Variants in MICU1 observed in about 807,000 individuals in gnomAD.
MICU1 encodes the protein calcium uptake protein 1, mitochondrial.
MICU1 carries 45 observed loss-of-function variants against 56.8 expected under a neutral mutation model. That is an observed-to-expected ratio of 0.79 (90% CI 0.62 to 1.02). MICU1 has a LOEUF of 1.02. Among genes scored for constraint, MICU1 ranks in the 50% least tolerant of loss-of-function variants. The pLI is 0.00. For missense variants in MICU1, 504 were observed against 587.1 expected, an observed-to-expected ratio of 0.86 and a Z score of 1.46; for synonymous variants, 186 against 195.1, an observed-to-expected ratio of 0.95 and a Z score of 0.39.
intron 1 of MICU1, among the ~76,000 whole-genome samples, chr10:72,571,819 T>G (rs934479811): frequency 6.6e-6 from 1 of 151,980 alleles, no homozygotes; most frequent in African/African-American, 2.4e-5. Flanking sequence ...TTAAAGAGGC[T>G]GAGGTGGGAG....
At chr10:72,434,167 C>G (rs1864634634) in intron 8 of MICU1, among the ~76,000 whole-genome samples, 2 of 151,930 alleles carry the variant, frequency 1.3e-5, no homozygotes, top group South Asian at 4.1e-4. Flanking sequence ...GGCCATCTTC[C>G]TTACTTAGAA....
Position 72,563,033 on chromosome 10 carries a change from G to T in MICU1, c.192C>A (p.Asp64Glu), listed in dbSNP as rs774025038. ...RAHAESPPCVDNLKSDIGDKG... is the reference protein window; with the variant it reads ...RAHAESPPCVENLKSDIGDKG... ...TATCACCGATGTCACTTTTTAGGTT[G>T]TCTACACATGGTGGAGATTCTGCAT... Residue 64 changes from aspartate (D) to glutamate (E), a missense_variant, in exon 3 of 12, where the codon GAC becomes GAA. Coordinates refer to ENST00000361114, the MANE Select transcript of MICU1 (RefSeq NM_001195518.2). 2.8e-5 allele frequency: 45 copies of T among 1,591,298 alleles called. No homozygotes were observed. Among genetic ancestry groups the T allele is most frequent in the Non-Finnish European group, 3.6e-5 (42 of 1,170,940 alleles).
intron 1 of MICU1, among the ~76,000 whole-genome samples, chr10:72,583,469 T>A (rs182735181): frequency 6.6e-6 from 1 of 151,948 alleles, no homozygotes; most frequent in African/African-American, 2.4e-5. Context: ...TTAGTAGAGA[T>A]GGGGTTTCAC....
chr10:72,545,142 A>G (rs189169943), intron 4 of MICU1, among the ~76,000 whole-genome samples: 3 of 152,338 alleles, frequency 2.0e-5, no homozygotes, highest in South Asian at 4.1e-4. Flanking sequence ...TAGGAATAAT[A>G]TATCTTTTAC....
At chr10:72,380,242 T>A (rs11593719) in intron 10 of MICU1, among the ~76,000 whole-genome samples, 72,125 of 152,022 alleles carry the variant, frequency 0.47, 19,712 homozygotes, top group Non-Finnish European at 0.64. Context: ...ACAGGGAGCA[T>A]GAAGGCACCC....
chr10:72,448,163 A>G (rs10823925), intron 8 of MICU1, among the ~76,000 whole-genome samples: 571 of 48,878 alleles, frequency 0.012, 4 homozygotes, highest in African/African-American at 0.034. Context: ...GTGTGTGTGT[A>G]TATGTGTGTG....
chr10:72,582,564 C>G (rs550612750), intron 1 of MICU1, among the ~76,000 whole-genome samples: 1 of 152,030 alleles, frequency 6.6e-6, no homozygotes, highest in South Asian at 2.1e-4. Flanking sequence ...TCAAGACCAA[C>G]CTGGACAATA....
At chr10:72,497,660 A>G (rs888264927) in intron 6 of MICU1, among the ~76,000 whole-genome samples, 2 of 152,184 alleles carry the variant, frequency 1.3e-5, no homozygotes, top group African/African-American at 4.8e-5. Flanking sequence ...GGAAGATAGG[A>G]TAAGTGAGAA....
rs146996836 is a variant in MICU1 at position 72,510,320 on chromosome 10, T to C, written c.538-2051A>G. 7.3e-4 allele frequency among the ~76,000 whole-genome samples: 111 copies of C among 152,332 alleles called. 1 individual carries two copies. The highest frequency in any genetic ancestry group is 1.4e-3 in the East Asian group (7 of 5,178). On this transcript the variant is annotated intron_variant, in intron 5 of 11. Transcript: ENST00000361114. ...GAAAGATTAGTATAAAGTACTATTA[T>C]ATATTTTTTACCAATTCACCAACAG...
At chr10:72,516,216 G>T (rs771406434) in intron 5 of MICU1, among the ~76,000 whole-genome samples, 1 of 152,032 alleles carries the variant, frequency 6.6e-6, no homozygotes, top group Non-Finnish European at 1.5e-5. Flanking sequence ...TCATATGTTT[G>T]TTGGCCACAG....
intron 1 of MICU1, among the ~76,000 whole-genome samples, chr10:72,576,225 C>CG (rs1840739941): frequency 1.5e-5 from 1 of 68,212 alleles, no homozygotes; most frequent in Non-Finnish European, 2.6e-5. Flanking sequence ...AAAAAAACAC[C>CG]AAAAAAAAAA....
chr10:72,375,805 C>G lies in MICU1; in HGVS notation c.1248G>C (p.Val416=). The change falls in exon 11 of 12, where the codon GTG becomes GTC. Residue 416 remains valine, a synonymous_variant. Transcript: ENST00000361114. ...VELSDHVCDV[V]FALFDCDGNG... ...CACCATCACAGTCAAAGAGTGCAAACACCACATCACACACGTGGTCTGAGA... is the reference window on the plus strand; with the variant it reads ...CACCATCACAGTCAAAGAGTGCAAAGACCACATCACACACGTGGTCTGAGA... 1 of 1,613,290 alleles carries G rather than the reference C, an allele frequency of 6.2e-7. No homozygotes were observed. The highest frequency in any genetic ancestry group is 1.1e-5 in the South Asian group (1 of 90,760).
At chr10:72,418,982 C>T (rs1407563790) in intron 9 of MICU1, among the ~76,000 whole-genome samples, 3 of 152,228 alleles carry the variant, frequency 2.0e-5, no homozygotes, top group Non-Finnish European at 4.4e-5. Flanking sequence ...TTTTCATCAT[C>T]TGACAAAATT....
intron 10 of MICU1, among the ~76,000 whole-genome samples, chr10:72,393,103 T>A (rs1310364612): frequency 6.6e-6 from 1 of 152,074 alleles, no homozygotes; most frequent in Non-Finnish European, 1.5e-5. Flanking sequence ...AGGGTAGAGG[T>A]TTATGTCTTG....
At chr10:72,480,642 T>C (rs376551110) in intron 6 of MICU1, among the ~76,000 whole-genome samples, 2 of 152,198 alleles carry the variant, frequency 1.3e-5, no homozygotes, top group Admixed American at 6.5e-5. Flanking sequence ...CCCAAATTAA[T>C]AGAAATAGGA....
At chr10:72,539,615 A>C (rs898042385) in intron 4 of MICU1, among the ~76,000 whole-genome samples, 1 of 152,152 alleles carries the variant, frequency 6.6e-6, no homozygotes, top group African/African-American at 2.4e-5. Context: ...TGATAACAAT[A>C]AACACTACAC....
intron 6 of MICU1, among the ~76,000 whole-genome samples, chr10:72,477,901 C>T (rs1413766286): frequency 6.9e-6 from 1 of 144,432 alleles, no homozygotes; most frequent in Non-Finnish European, 1.5e-5. Flanking sequence ...GACAGTTTCA[C>T]TCTGTTGCCC....
intron 8 of MICU1, among the ~76,000 whole-genome samples, chr10:72,448,574 T>G (rs996221456): frequency 2.0e-5 from 3 of 152,038 alleles, no homozygotes; most frequent in African/African-American, 7.2e-5. Context: ...AAATTAGAAT[T>G]CAGATTAAGT....
At chr10:72,396,408 A>G (rs1863262182) in intron 10 of MICU1, among the ~76,000 whole-genome samples, 1 of 152,232 alleles carries the variant, frequency 6.6e-6, no homozygotes, top group African/African-American at 2.4e-5. Flanking sequence ...CCTCGCCAGC[A>G]ACGGAACAAA....
Sources: gnomAD v4.1 joint callset for allele counts (sites outside exome capture counted in the v4.1 genomes callset) on GRCh38, gnomAD v4.1.1 for gene constraint, MANE v1.5 for transcripts, NCBI Gene and HGNC (gene_info 2026-07-23, HGNC 2026-07-21) for gene names.